FAH: variants seen among roughly 807,000 people sequenced by gnomAD.
FAH encodes the protein fumarylacetoacetate hydrolase, also known as fumarylacetoacetase.
FAH carries 47 observed loss-of-function variants against 55.8 expected under a neutral mutation model. That is an observed-to-expected ratio of 0.84 (90% CI 0.67 to 1.07). The LOEUF is 1.07. FAH is among the 50% of genes least tolerant of loss of function. FAH has a pLI of 0.00. For missense variants in FAH, 495 were observed against 545.9 expected, an observed-to-expected ratio of 0.91 and a Z score of 0.93; for synonymous variants, 199 against 207.7, an observed-to-expected ratio of 0.96 and a Z score of 0.36.
At chr15:80,169,837 C>T (rs1595893694) in intron 7 of FAH, among the ~76,000 whole-genome samples, 1 of 152,220 alleles carries the variant, frequency 6.6e-6, no homozygotes, top group Admixed American at 6.5e-5. Flanking sequence ...TCGGCCAGGG[C>T]TGCACACTTT....
intron 13 of FAH, among the ~76,000 whole-genome samples, chr15:80,182,683 C>T (rs754052023): frequency 2.0e-5 from 3 of 152,136 alleles, no homozygotes; most frequent in Non-Finnish European, 4.4e-5. Context: ...TTTGCAGAGT[C>T]GAAAACTTAG....
At position 80,175,096 on chromosome 15, in the gene FAH, G is replaced by A. The variant is rs1321743066; in HGVS notation, c.913+5G>A. The A allele has an allele frequency of 1.9e-6, 3 of 1,612,422 alleles. No homozygotes were observed. In the East Asian group the frequency reaches 6.7e-5, roughly 36 times the overall value. On this transcript the variant is annotated splice_donor_5th_base_variant and intron_variant, in intron 10 of 13. Transcript: ENST00000561421. ...ACCTCTCTGTTAACCTGAAAGGTAT[G>A]TTGTAGGGGGACTGACATGGCCAGG... is the stretch of plus-strand genomic sequence containing the variant.
At chr15:80,171,578 A>G (rs2142100478) in intron 7 of FAH, among the ~76,000 whole-genome samples, 1 of 152,224 alleles carries the variant, frequency 6.6e-6, no homozygotes, top group East Asian at 1.9e-4. Context: ...TTCCCACATA[A>G]GCCTCCCAAG....
intron 7 of FAH, among the ~76,000 whole-genome samples, chr15:80,171,093 T>A (rs1479057521): frequency 2.0e-5 from 3 of 151,836 alleles, no homozygotes; most frequent in Non-Finnish European, 4.4e-5. Context: ...TTTTTATTTT[T>A]AAATTTTATT....
At position 80,153,121 on chromosome 15, in the gene FAH, T is replaced by C; in HGVS notation, c.67T>C (p.Ser23Pro). Reference protein sequence around the residue: ...PIHNLPYGVFSTRGDPRPRIG... With the variant: ...PIHNLPYGVFPTRGDPRPRIG... The stretch of plus-strand genomic sequence containing the variant: ...CCACAACCTGCCCTACGGCGTCTTC[T>C]CGACCAGAGGCGACGTGAGCAGTGG... Residue 23 changes from serine (S) to proline (P), a missense_variant, in exon 1 of 14, where the codon TCG becomes CCG. Ser to Pro is a moderately conservative substitution (Grantham distance 74). Coordinates refer to ENST00000561421, the MANE Select transcript of FAH (RefSeq NM_000137.4). The C allele has an allele frequency of 6.2e-7, 1 of 1,612,478 alleles. No homozygotes were observed. The highest frequency in any genetic ancestry group is 1.1e-5 in the South Asian group (1 of 91,060).
At chr15:80,158,645 A>G (rs1424496616) in intron 2 of FAH, among the ~76,000 whole-genome samples, 1 of 152,176 alleles carries the variant, frequency 6.6e-6, no homozygotes, top group Admixed American at 6.5e-5. Flanking sequence ...ATGGTCATCT[A>G]CTTTGATATA....
chr15:80,171,591 G>A (rs1187208695), intron 7 of FAH, among the ~76,000 whole-genome samples: 2 of 152,128 alleles, frequency 1.3e-5, no homozygotes, highest in South Asian at 2.1e-4. Flanking sequence ...CTCCCAAGTA[G>A]CTGGGACTGC....
At chr15:80,156,350 A>G (rs2041100436) in intron 1 of FAH, 1 of 153,916 alleles carries the variant, frequency 6.5e-6, no homozygotes, top group South Asian at 2.0e-4. Context: ...TATACTAATA[A>G]TCGATAATTG....
In FAH at chr15:80,168,244, T is replaced by G. The variant is rs199501793; in HGVS notation, c.554-20T>G. 5,733 of 1,611,210 alleles carry G rather than the reference T, an allele frequency of 3.6e-3. 13 individuals carry two copies. Among genetic ancestry groups the G allele is most frequent in the Non-Finnish European group, 4.3e-3 (5,113 of 1,179,872 alleles). On this transcript the variant is annotated intron_variant, in intron 6 of 13. Coordinates refer to ENST00000561421, the MANE Select transcript of FAH (RefSeq NM_000137.4). ...CTCACTCACAGCACCGTTTTTTTTT[T>G]TTTTCTGGTGTTATTCCAGCTAAGC... is the stretch of plus-strand genomic sequence containing the variant.
chr15:80,178,058 G>T (rs1055302206), intron 11 of FAH, among the ~76,000 whole-genome samples: 3 of 152,006 alleles, frequency 2.0e-5, no homozygotes, highest in African/African-American at 7.2e-5. Flanking sequence ...AAATTAGCCG[G>T]GCGTGGTAGC....
chr15:80,154,179 C>G (rs2142087780), intron 1 of FAH, among the ~76,000 whole-genome samples: 1 of 152,334 alleles, frequency 6.6e-6, no homozygotes, highest in East Asian at 1.9e-4. Flanking sequence ...ATCTGAGGCA[C>G]ATTAAATCTT....
chr15:80,168,422 A>C, intron 7 of FAH, 106 bp downstream of exon 7: 1 of 1,136,156 alleles, frequency 8.8e-7, no homozygotes, highest in Admixed American at 1.7e-5. Flanking sequence ...CCTCCTCTTC[A>C]GCCACATCGG....
chr15:80,160,508 C>T (rs1298045074), intron 4 of FAH, 49 bp downstream of exon 4: 3 of 1,579,116 alleles, frequency 1.9e-6, no homozygotes, highest in African/African-American at 1.3e-5. Context: ...CTTCGTGGGC[C>T]AAGAGGGCTG....
intron 7 of FAH, among the ~76,000 whole-genome samples, chr15:80,169,237 G>T (rs2041220272): frequency 6.6e-6 from 1 of 152,034 alleles, no homozygotes; most frequent in South Asian, 2.1e-4. Flanking sequence ...ACAAAAATTA[G>T]CTGGGGATGG....
At chr15:80,159,671 C>A in intron 2 of FAH, 85 bp from the exon 3 acceptor site, 2 of 1,533,300 alleles carry the variant, frequency 1.3e-6, no homozygotes, top group Non-Finnish European at 1.8e-6. Context: ...CAAGGGCTGG[C>A]AGGCTGGCTG....
At chr15:80,178,926 G>A (rs1219928407) in intron 11 of FAH, among the ~76,000 whole-genome samples, 3 of 152,166 alleles carry the variant, frequency 2.0e-5, no homozygotes, top group Admixed American at 6.5e-5. Context: ...TTCCACAATC[G>A]ATGGACATTT....
At chr15:80,172,866 C>T (rs765406059) in intron 8 of FAH, 148 bp from the exon 9 acceptor site, 1 of 1,055,792 alleles carries the variant, frequency 9.5e-7, no homozygotes, top group East Asian at 2.4e-5. Context: ...TGCTCTTGCC[C>T]CTTTGTCCTG....
intron 1 of FAH, among the ~76,000 whole-genome samples, chr15:80,154,066 G>GGTC (rs1427907768): frequency 2.6e-5 from 4 of 152,164 alleles, no homozygotes; most frequent in African/African-American, 4.8e-5. Flanking sequence ...TCTGCGGTAA[G>GGTC]TGCTTTGGTC....
intron 13 of FAH, among the ~76,000 whole-genome samples, chr15:80,183,816 A>G (rs2041349499): frequency 6.6e-6 from 1 of 152,190 alleles, no homozygotes; most frequent in Non-Finnish European, 1.5e-5. Context: ...TCTATTTTTC[A>G]GATGTGGAAA....
Sources: gnomAD v4.1 joint callset for allele counts (sites outside exome capture counted in the v4.1 genomes callset) on GRCh38, gnomAD v4.1.1 for gene constraint, MANE v1.5 for transcripts, NCBI Gene and HGNC (gene_info 2026-07-23, HGNC 2026-07-21) for gene names.